Variants in TRPM3 observed in about 807,000 individuals in gnomAD.
TRPM3 encodes the protein long transient receptor potential channel 3.
TRPM3 carries 77 observed loss-of-function variants against 181.2 expected under a neutral mutation model. The ratio of observed to expected loss-of-function variants is 0.42; its 90% confidence interval spans 0.35 to 0.51. The LOEUF (loss-of-function observed/expected upper bound fraction) is 0.51, where lower values mean the gene tolerates loss of function less well. Ranked by LOEUF, TRPM3 falls within the 20% of genes least tolerant of loss-of-function variation. The pLI, the probability that TRPM3 is intolerant of heterozygous loss-of-function variation, is 0.01. For synonymous variants in TRPM3, 745 were observed against 796.4 expected (o/e 0.94, Z 1.09); for missense variants, 1,759 against 2,196.7 (o/e 0.80, Z 3.98).
At position 71,216,995 on chromosome 9, in the gene TRPM3, G is replaced by T. The variant is rs540935135; in HGVS notation, c.183+229658C>A. On this transcript the variant is annotated intron_variant, in intron 1 of 24. Transcript: ENST00000357533. The stretch of plus-strand genomic sequence containing the variant: ...AGACGGAGTCTCGCTCTGTCGCCCA[G>T]GCTGGAGTGCAGTGGCGCGATCTCG... Among the ~76,000 whole-genome samples, 926 of 125,070 alleles carry T rather than the reference G, an allele frequency of 7.4e-3. 12 individuals carry two copies. Among genetic ancestry groups the T allele is most frequent in the African/African-American group, 0.028 (900 of 31,716 alleles). The allele number at this position is 125,070 out of a possible 152,430, so 82.1% of individuals were successfully genotyped here.
intron 1 of TRPM3, among the ~76,000 whole-genome samples, chr9:71,188,293 A>G (rs1443740644): frequency 6.6e-6 from 1 of 151,912 alleles, no homozygotes; most frequent in African/African-American, 2.4e-5. Context: ...ACCATCAAGC[A>G]TCTTCATATT....
intron 1 of TRPM3, among the ~76,000 whole-genome samples, chr9:70,882,418 A>G (rs1244359691): frequency 1.3e-5 from 2 of 152,132 alleles, no homozygotes; most frequent in Non-Finnish European, 2.9e-5. Context: ...TCTAAAGTCA[A>G]TTTTGGTTGT....
chr9:71,332,084 T>C (rs2090232318), intron 1 of TRPM3, among the ~76,000 whole-genome samples: 1 of 151,174 alleles, frequency 6.6e-6, no homozygotes, highest in African/African-American at 2.4e-5. Context: ...TCTGGTTAAT[T>C]GAACACACTG....
At chr9:70,544,288 A>G (rs2044288393) in intron 25 of TRPM3, among the ~76,000 whole-genome samples, 1 of 152,198 alleles carries the variant, frequency 6.6e-6, no homozygotes, top group Admixed American at 6.5e-5. Flanking sequence ...AGTAGTAGGT[A>G]ATTAAACAGA....
At chr9:71,027,054 G>A (rs1369884115) in intron 1 of TRPM3, among the ~76,000 whole-genome samples, 1 of 152,138 alleles carries the variant, frequency 6.6e-6, no homozygotes, top group African/African-American at 2.4e-5. Context: ...CTTTGTGGCT[G>A]CCACCACCCA....
chr9:70,776,176 G>A (rs2081321009), intron 7 of TRPM3: 1 of 315,414 alleles, frequency 3.2e-6, no homozygotes, highest in Non-Finnish European at 5.7e-6. Context: ...CCCGCACCTT[G>A]TCTGTATTAC....
At chr9:71,355,705 A>C (rs1206593117) in intron 1 of TRPM3, among the ~76,000 whole-genome samples, 1 of 152,154 alleles carries the variant, frequency 6.6e-6, no homozygotes, top group Non-Finnish European at 1.5e-5. Flanking sequence ...AGAACTACCA[A>C]AGGAAGACCC....
At chr9:70,862,582 G>T (rs1161710806) in intron 3 of TRPM3, among the ~76,000 whole-genome samples, 1 of 152,070 alleles carries the variant, frequency 6.6e-6, no homozygotes, top group Non-Finnish European at 1.5e-5. Context: ...TGTCTTAATG[G>T]ATGAGACCCA....
At chr9:71,097,234 A>G (rs1591389311) in intron 1 of TRPM3, among the ~76,000 whole-genome samples, 1 of 152,266 alleles carries the variant, frequency 6.6e-6, no homozygotes, top group South Asian at 2.1e-4. Flanking sequence ...TCTGTCTTGT[A>G]GTGATATTCA....
At chr9:71,068,367 T>C (rs2062219979) in intron 1 of TRPM3, among the ~76,000 whole-genome samples, 1 of 152,216 alleles carries the variant, frequency 6.6e-6, no homozygotes, top group Admixed American at 6.5e-5. Context: ...TGCTTCCTGC[T>C]TTCTGGCATC....
chr9:71,058,515 T>A (rs1471976173), intron 1 of TRPM3, among the ~76,000 whole-genome samples: 1 of 152,048 alleles, frequency 6.6e-6, no homozygotes, highest in Non-Finnish European at 1.5e-5. Context: ...GTCTACCTGA[T>A]GTATCTTGTA....
intron 1 of TRPM3, among the ~76,000 whole-genome samples, chr9:70,915,587 G>A (rs942724077): frequency 2.6e-5 from 4 of 151,702 alleles, no homozygotes; most frequent in African/African-American, 4.8e-5. Flanking sequence ...TTACAGGCAT[G>A]AGCCACCACG....
At chr9:71,093,433 A>T (rs1050370611) in intron 1 of TRPM3, among the ~76,000 whole-genome samples, 1 of 152,194 alleles carries the variant, frequency 6.6e-6, no homozygotes, top group Non-Finnish European at 1.5e-5. Context: ...AAGGATATGA[A>T]CAGACACTTC....
intron 1 of TRPM3, among the ~76,000 whole-genome samples, chr9:70,974,048 C>T (rs2097272704): frequency 6.6e-6 from 1 of 152,148 alleles, no homozygotes; most frequent in African/African-American, 2.4e-5. Context: ...ATGTTATTAA[C>T]TACCTACTAA....
chr9:70,782,500 CTG>C (rs1361549725), intron 7 of TRPM3, among the ~76,000 whole-genome samples: 4 of 152,216 alleles, frequency 2.6e-5, no homozygotes, highest in African/African-American at 9.6e-5. Context: ...GCATGAGCCT[CTG>C]TGCCTGACCC....
intron 22 of TRPM3, among the ~76,000 whole-genome samples, chr9:70,560,295 C>T (rs2048742257): frequency 1.3e-5 from 2 of 152,156 alleles, no homozygotes; most frequent in Non-Finnish European, 2.9e-5. Flanking sequence ...CCAGTGGCAA[C>T]TGGCAGTGAA....
chr9:71,380,920 TGACAAAATGAAGACGAC>T lies in TRPM3; in HGVS notation c.183+65716_183+65732del, dbSNP rs556692578. 6.9e-3 allele frequency among the ~76,000 whole-genome samples: 1,052 copies of T among 151,650 alleles called. 7 individuals carry two copies. Among genetic ancestry groups the T allele is most frequent in the African/African-American group, 0.015 (635 of 41,334 alleles). The stretch of plus-strand genomic sequence containing the variant: ...GCCATATATAGTAGGGAGTAGGGGA[TGACAAAATGAAGACGAC>T]GACAAAATGAAGACGACGACAAAAT... On this transcript the variant is annotated intron_variant, in intron 1 of 24. Transcript: ENST00000357533.
chr9:71,120,643 A>C (rs188698689), intron 1 of TRPM3, among the ~76,000 whole-genome samples: 1 of 152,332 alleles, frequency 6.6e-6, no homozygotes, highest in Non-Finnish European at 1.5e-5. Context: ...ACACAAAAAA[A>C]GTCACTGTCT....
chr9:70,780,913 T>C (rs2082305833), intron 7 of TRPM3, among the ~76,000 whole-genome samples: 1 of 152,322 alleles, frequency 6.6e-6, no homozygotes, highest in South Asian at 2.1e-4. Flanking sequence ...GTGCATAAAC[T>C]CATATTCTTT....
Sources: gnomAD v4.1 joint callset for allele counts (sites outside exome capture counted in the v4.1 genomes callset) on GRCh38, gnomAD v4.1.1 for gene constraint, MANE v1.5 for transcripts, NCBI Gene and HGNC (gene_info 2026-07-23, HGNC 2026-07-21) for gene names.